SPRR2G: variants seen among roughly 807,000 people sequenced by gnomAD.
The protein encoded by SPRR2G is small proline rich protein 2G.
In SPRR2G, 1 loss-of-function variant was observed where a neutral mutation model predicts 0.7. The observed-to-expected ratio is 1.49, with a 90% confidence interval of 0.53 to 7.06. The LOEUF is 7.06. Ranked by LOEUF, SPRR2G falls within the 30% of genes most tolerant of loss-of-function variation. SPRR2G has a pLI of 0.14. For missense variants in SPRR2G, 96 were observed against 88.5 expected (o/e 1.09, Z -0.34); for synonymous variants, 38 against 33.9 (o/e 1.12, Z -0.42).
At chr1:153,179,832 T>A in the SPRR2G span, among the ~76,000 whole-genome samples, 1 of 152,154 alleles carries the variant, frequency 6.6e-6, no homozygotes, top group Non-Finnish European at 1.5e-5. Flanking sequence ...CGTATTCCTA[T>A]CTTGTGCCAC....
At chr1:153,165,015 G>A in the SPRR2G span, among the ~76,000 whole-genome samples, 1 of 152,172 alleles carries the variant, frequency 6.6e-6, no homozygotes. Context: ...GTTGATCAAA[G>A]ATAAAAGTAA....
At chr1:153,184,857 T>G in the SPRR2G span, among the ~76,000 whole-genome samples, 15 of 152,194 alleles carry the variant, frequency 9.9e-5, no homozygotes, top group Middle Eastern at 3.2e-3. Context: ...TAAATAACTC[T>G]TACTATTTTG....
chr1:153,181,570 C>A, the SPRR2G span, among the ~76,000 whole-genome samples: 1 of 152,172 alleles, frequency 6.6e-6, no homozygotes, highest in East Asian at 1.9e-4. Context: ...CAACCCCATG[C>A]ACATACACGC....
At chr1:153,179,772 G>A in the SPRR2G span, among the ~76,000 whole-genome samples, 2 of 151,944 alleles carry the variant, frequency 1.3e-5, no homozygotes, top group Non-Finnish European at 2.9e-5. Flanking sequence ...ACCCTCACCT[G>A]AACCACTGCA....
the SPRR2G span, among the ~76,000 whole-genome samples, chr1:153,169,508 G>A: frequency 6.6e-6 from 1 of 151,296 alleles, no homozygotes; most frequent in Non-Finnish European, 1.5e-5. Flanking sequence ...AGAGGTTGCA[G>A]TGTGCTGAGA....
chr1:153,158,524 G>C, the SPRR2G span, among the ~76,000 whole-genome samples: 18 of 152,182 alleles, frequency 1.2e-4, no homozygotes, highest in Admixed American at 6.5e-5. Flanking sequence ...CTGCTTTCTT[G>C]AGCTGGCATT....
the SPRR2G span, among the ~76,000 whole-genome samples, chr1:153,175,351 G>A: frequency 4.8e-4 from 73 of 152,178 alleles, no homozygotes; most frequent in East Asian, 0.013. Context: ...ATAGTTGAAC[G>A]CCTTAACATT....
chr1:153,149,874 T>C lies in SPRR2G; in HGVS notation c.*15A>G, dbSNP rs1656420510. 2 of 1,613,836 alleles carry C rather than the reference T, an allele frequency of 1.2e-6. No homozygotes were observed. Among genetic ancestry groups the C allele is most frequent in the South Asian group, 1.1e-5 (1 of 91,074 alleles). ...GGATCTTGTTGTTTCATGGTCCTGA[T>C]GAATTCTAGTGATGTTACTTGCTCT... is the stretch of plus-strand genomic sequence containing the variant. On this transcript the variant is annotated 3_prime_UTR_variant, in exon 2 of 2. Transcript: ENST00000368748.
the SPRR2G span, among the ~76,000 whole-genome samples, chr1:153,201,406 C>T: frequency 6.6e-6 from 1 of 152,186 alleles, no homozygotes; most frequent in Non-Finnish European, 1.5e-5. Flanking sequence ...ATAACAATGG[C>T]TAGTAGAAAT....
At chr1:153,180,832 G>A in the SPRR2G span, among the ~76,000 whole-genome samples, 31 of 152,282 alleles carry the variant, frequency 2.0e-4, no homozygotes, top group Middle Eastern at 3.4e-3. Context: ...GAGATAACAC[G>A]TTGTGACTTG....
At chr1:153,198,380 G>A in the SPRR2G span, among the ~76,000 whole-genome samples, 1 of 152,172 alleles carries the variant, frequency 6.6e-6, no homozygotes, top group South Asian at 2.1e-4. Flanking sequence ...CTTCGGCAAT[G>A]CTGTGGGGGT....
chr1:153,156,917 T>C, the SPRR2G span, among the ~76,000 whole-genome samples: 2 of 152,190 alleles, frequency 1.3e-5, no homozygotes, highest in African/African-American at 4.8e-5. Context: ...AGACTAATAT[T>C]TCTTCTGAAT....
the SPRR2G span, among the ~76,000 whole-genome samples, chr1:153,200,128 ATTAAG>A: frequency 6.6e-6 from 1 of 152,212 alleles, no homozygotes; most frequent in Non-Finnish European, 1.5e-5. Flanking sequence ...TTTGGCCTAA[ATTAAG>A]TTACTATCTT....
the SPRR2G span, among the ~76,000 whole-genome samples, chr1:153,201,191 C>A: frequency 1.3e-5 from 2 of 152,152 alleles, no homozygotes; most frequent in East Asian, 1.9e-4. Flanking sequence ...CACTTAGCCA[C>A]CAAACCCTAA....
upstream of SPRR2G, among the ~76,000 whole-genome samples, chr1:153,151,243 A>G (rs886100014): frequency 2.0e-5 from 3 of 152,208 alleles, no homozygotes; most frequent in Non-Finnish European, 2.9e-5. Context: ...CCCAGTATCT[A>G]GCTGTGTTCT....
the SPRR2G span, among the ~76,000 whole-genome samples, chr1:153,189,912 C>G: frequency 0.18 from 27,482 of 152,086 alleles, 4,103 homozygotes; most frequent in African/African-American, 0.4. Flanking sequence ...CCCACAAAAG[C>G]CTCCTGTAGG....
chr1:153,172,182 A>G, the SPRR2G span, among the ~76,000 whole-genome samples: 3 of 152,070 alleles, frequency 2.0e-5, no homozygotes, highest in Non-Finnish European at 4.4e-5. Flanking sequence ...AGGGTCTATC[A>G]ACACTCCCTG....
At chr1:153,188,116 G>A in the SPRR2G span, among the ~76,000 whole-genome samples, 1 of 152,190 alleles carries the variant, frequency 6.6e-6, no homozygotes, top group African/African-American at 2.4e-5. Flanking sequence ...GCCAGCCAGA[G>A]CTCTCCTGTA....
the SPRR2G span, among the ~76,000 whole-genome samples, chr1:153,192,235 A>G: frequency 2.0e-5 from 3 of 152,208 alleles, no homozygotes; most frequent in Non-Finnish European, 4.4e-5. Context: ...AAGGCAGAGC[A>G]GAGGATGTCT....
Sources: allele counts gnomAD v4.1 joint callset (sites outside exome capture counted in the v4.1 genomes callset), GRCh38; gene constraint gnomAD v4.1.1; transcripts MANE v1.5; gene names NCBI Gene and HGNC (gene_info 2026-07-23, HGNC 2026-07-21).